VPS13D: variants seen among roughly 807,000 people sequenced by gnomAD.
VPS13D encodes intermembrane lipid transfer protein VPS13D.
VPS13D carries 187 observed loss-of-function variants against 461.9 expected under a neutral mutation model. That is an observed-to-expected ratio of 0.40 (90% CI 0.36 to 0.46). The LOEUF (loss-of-function observed/expected upper bound fraction) is 0.46, where lower values mean the gene tolerates loss of function less well. Among genes scored for constraint, VPS13D ranks in the 20% least tolerant of loss-of-function variants. VPS13D has a pLI of 0.60. For synonymous variants in VPS13D, 1,951 were observed against 1,986.3 expected (o/e 0.98, Z 0.47); for missense variants, 4,711 against 5,364.9 (o/e 0.88, Z 3.81).
At chr1:12,342,334 G>T (rs997048038) in intron 41 of VPS13D, among the ~76,000 whole-genome samples, 1 of 152,204 alleles carries the variant, frequency 6.6e-6, no homozygotes. Context: ...CAACCCAGAT[G>T]GAATTGGGTG....
At chr1:12,321,985 C>T (rs753215654) in intron 33 of VPS13D, 21 bp downstream of exon 33, 37 of 1,612,286 alleles carry the variant, frequency 2.3e-5, no homozygotes, top group South Asian at 1.5e-4. Context: ...AAAATCTGTG[C>T]AATACGTTGA....
chr1:12,383,253 G>A, intron 58 of VPS13D, 98 bp downstream of exon 58: 1 of 1,209,734 alleles, frequency 8.3e-7, no homozygotes, highest in Non-Finnish European at 1.1e-6. Flanking sequence ...GTTTATGCCA[G>A]ATATGAAGAT....
At chr1:12,385,500 G>T in intron 59 of VPS13D, 127 bp downstream of exon 59, 1 of 725,052 alleles carries the variant, frequency 1.4e-6, no homozygotes, top group Non-Finnish European at 2.2e-6. Context: ...ACGCTTCACA[G>T]TGTTTACTGT....
In VPS13D at chr1:12,330,564, A is replaced by G. The variant is rs114200131; in HGVS notation, c.8287+646A>G. Among the ~76,000 whole-genome samples, 851 of 152,114 alleles carry G rather than the reference A, an allele frequency of 5.6e-3. 8 individuals carry two copies. The highest frequency in any genetic ancestry group is 0.019 in the African/African-American group (774 of 41,506). On this transcript the variant is annotated intron_variant, in intron 37 of 69. Transcript: ENST00000620676. ...ATTTCAAGGGAGATTTATGCCCACAAGCATTTTTTTGTTTGTTTTTTGAGA... is the reference window on the plus strand; with the variant it reads ...ATTTCAAGGGAGATTTATGCCCACAGGCATTTTTTTGTTTGTTTTTTGAGA...
chr1:12,396,961 TCTCA>T (rs1319231557), intron 60 of VPS13D, among the ~76,000 whole-genome samples: 1 of 152,176 alleles, frequency 6.6e-6, no homozygotes, highest in Admixed American at 6.5e-5. Context: ...TGAGATGGAG[TCTCA>T]CTCTGTCGCC....
Position 12,378,582 on chromosome 1 carries a change from C to A in VPS13D, c.11072C>A (p.Thr3691Asn). 1 of 1,568,056 alleles carries A rather than the reference C, an allele frequency of 6.4e-7. No individual in the cohort carries two copies. The highest frequency in any genetic ancestry group is 8.6e-7 in the Non-Finnish European group (1 of 1,157,314). The change falls in exon 56 of 70, where the codon ACT becomes AAT. Residue 3691 changes from threonine to asparagine, a missense_variant. Coordinates refer to ENST00000620676, the MANE Select transcript of VPS13D (RefSeq NM_015378.4). ...ILDIAGLAAV[T>N]DNRYEPLMLR... ...GATATTGCTGGTCTCGCTGCAGTGA[C>A]TGACAACAGGTAATTTTCTAGGCAA... is the stretch of plus-strand genomic sequence containing the variant.
chr1:12,237,059 G>A (rs905857840), intron 2 of VPS13D, among the ~76,000 whole-genome samples: 1 of 151,710 alleles, frequency 6.6e-6, no homozygotes, highest in Admixed American at 6.6e-5. Context: ...GATTGTGTGT[G>A]TGTGTATATA....
In VPS13D at chr1:12,346,662, A is replaced by C; in HGVS notation, c.9069+10A>C. The stretch of plus-strand genomic sequence containing the variant: ...ACATCCCCAGGTTTATGTAAGTATG[A>C]TTTTCCTGTTGTCATTGTGTTTATT... On this transcript the variant is annotated intron_variant, in intron 44 of 69. Coordinates refer to ENST00000620676, the MANE Select transcript of VPS13D (RefSeq NM_015378.4). The C allele has an allele frequency of 6.2e-7, 1 of 1,612,120 alleles. No homozygotes were observed. The highest frequency in any genetic ancestry group is 8.5e-7 in the Non-Finnish European group (1 of 1,179,258).
intron 43 of VPS13D, among the ~76,000 whole-genome samples, 169 bp from the exon 44 acceptor site, chr1:12,346,434 ATT>A (rs1159959336): frequency 6.6e-6 from 1 of 152,138 alleles, no homozygotes; most frequent in African/African-American, 2.4e-5. Context: ...TAAAATGAAT[ATT>A]GTTTTTTCCA....
intron 1 of VPS13D, among the ~76,000 whole-genome samples, chr1:12,232,458 C>T (rs977320267): frequency 2.6e-5 from 4 of 152,114 alleles, no homozygotes; most frequent in Admixed American, 6.5e-5. Flanking sequence ...CAGTGGGATG[C>T]GTGCCATGGC....
At chr1:12,399,041 C>T (rs142581047) in intron 60 of VPS13D, among the ~76,000 whole-genome samples, 1 of 152,290 alleles carries the variant, frequency 6.6e-6, no homozygotes, top group East Asian at 1.9e-4. Flanking sequence ...TTAGTTTAAC[C>T]ACCAGCGTTA....
intron 15 of VPS13D, among the ~76,000 whole-genome samples, 193 bp downstream of exon 15, chr1:12,268,113 G>A (rs532911842): frequency 6.6e-6 from 1 of 151,990 alleles, no homozygotes; most frequent in African/African-American, 2.4e-5. Context: ...CCATGTCTGG[G>A]TAATTTTAGT....
chr1:12,357,300 G>C (rs1031117636), intron 49 of VPS13D, among the ~76,000 whole-genome samples: 16 of 152,208 alleles, frequency 1.1e-4, no homozygotes, highest in Admixed American at 8.5e-4. Flanking sequence ...TTGGAGTGTA[G>C]ATTACCGTTT....
At chr1:12,442,698 A>G (rs1326000999) in intron 65 of VPS13D, among the ~76,000 whole-genome samples, 1 of 151,818 alleles carries the variant, frequency 6.6e-6, no homozygotes, top group African/African-American at 2.4e-5. Flanking sequence ...CCTGGGCTTA[A>G]GCCATCCTCC....
chr1:12,340,108 C>G (rs951129417), intron 40 of VPS13D, among the ~76,000 whole-genome samples: 1 of 152,174 alleles, frequency 6.6e-6, no homozygotes, highest in Non-Finnish European at 1.5e-5. Flanking sequence ...GCAGACAGCT[C>G]TTAAATTTTT....
In VPS13D at chr1:12,293,651, A is replaced by G; in HGVS notation, c.5980A>G (p.Thr1994Ala). Residue 1994 changes from threonine (T) to alanine (A), a missense_variant, in exon 24 of 70, where the codon ACT (threonine) becomes GCT (alanine). Around this residue, in one of 3 missense-constraint regions of VPS13D, gnomAD observed 4,411 missense variants for 4,937.8 expected, o/e 0.89. Transcript: ENST00000620676. ...GGTGGTGGCCTTCATTCAGCATTTC[A>G]CTCAGCTGCAGGATGTCTTAGGGCG... ...AEVVAFIQHF[T>A]QLQDVLGRQR... 6.2e-7 allele frequency: 1 copy of G among 1,613,784 alleles called. No individual in the cohort carries two copies. Among genetic ancestry groups the G allele is most frequent in the Non-Finnish European group, 8.5e-7 (1 of 1,179,942 alleles).
At chr1:12,241,559 T>C (rs1640374340) in intron 2 of VPS13D, among the ~76,000 whole-genome samples, 1 of 152,188 alleles carries the variant, frequency 6.6e-6, no homozygotes, top group African/African-American at 2.4e-5. Flanking sequence ...GGGCTCTATA[T>C]ATGTGAGGGT....
At chr1:12,334,118 G>C (rs1643395026) in intron 38 of VPS13D, among the ~76,000 whole-genome samples, 1 of 152,186 alleles carries the variant, frequency 6.6e-6, no homozygotes, top group African/African-American at 2.4e-5. Flanking sequence ...GAGGCTGTTA[G>C]AATATCCACT....
intron 49 of VPS13D, 26 bp downstream of exon 49, chr1:12,356,550 G>A (rs1643887429): frequency 1.9e-6 from 3 of 1,605,254 alleles, no homozygotes; most frequent in South Asian, 2.2e-5. Flanking sequence ...TATGGGAAGG[G>A]GAAATAAGCT....
Sources: allele counts gnomAD v4.1 joint callset (sites outside exome capture counted in the v4.1 genomes callset), GRCh38; gene constraint gnomAD v4.1.1; regional missense constraint gnomAD v4.1.1; transcripts MANE v1.5; gene names NCBI Gene and HGNC (gene_info 2026-07-23, HGNC 2026-07-21).